Variants in TXNDC2 observed in about 807,000 individuals in gnomAD.
TXNDC2 encodes thioredoxin domain containing 2.
In TXNDC2, 1 loss-of-function variant was observed where a neutral mutation model predicts 0.4. The observed-to-expected ratio is 2.30, with a 90% CI of 0.82 to 10.89. The LOEUF is 10.89. Ranked by LOEUF, TXNDC2 falls within the 30% of genes most tolerant of loss-of-function variation. TXNDC2 has a pLI of 0.12. For synonymous variants in TXNDC2, 183 were observed against 224.6 expected, an observed-to-expected ratio of 0.81 and a Z score of 1.66; for missense variants, 509 against 579.8, an observed-to-expected ratio of 0.88 and a Z score of 1.25.
chr18:9,887,411 AGG>A lies in TXNDC2; in HGVS notation c.733_734del (p.Gly245Ter). On this transcript the variant is annotated frameshift_variant, in exon 2 of 2. Transcript: ENST00000357775. LOFTEE classifies it low-confidence loss of function (END_TRUNC). ...CTAGAGGAAGCCATCCAGCCCAAGG[AGG>A]GTGACATCCCCAAGTCCCCAGAAGA... 13 of 1,031,220 alleles carry A rather than the reference AGG, an allele frequency of 1.3e-5. No homozygotes were observed. The highest frequency in any genetic ancestry group is 3.3e-5 in the South Asian group (2 of 59,886). 63.9% of individuals were successfully genotyped at this position (1,031,220 alleles called of 1,614,324 possible).
In TXNDC2 at chr18:9,886,873, G is replaced by A. The variant is rs1222688009; in HGVS notation, c.193G>A (p.Glu65Lys). The change falls in exon 2 of 2, where the codon GAG becomes AAG. Residue 65 changes from glutamate to lysine, a missense_variant. Glu to Lys is a moderately conservative substitution (Grantham distance 56). Coordinates refer to ENST00000357775, the MANE Select transcript of TXNDC2 (RefSeq NM_032243.6). ...AGAAGAAACCATCCAATCCAAGAAG[G>A]AGGACCTCCCCAAGTCCTCAGAAAA... ...APEETIQSKK[E>K]DLPKSSEKAI... is the part of the protein sequence containing the mutation. 4.4e-6 allele frequency: 7 copies of A among 1,605,292 alleles called. No individual in the cohort carries two copies. The highest frequency in any genetic ancestry group is 6.0e-6 in the Non-Finnish European group (7 of 1,174,786).
Position 9,887,741 on chromosome 18 carries a change from A to G in TXNDC2, c.1061A>G (p.Lys354Arg), listed in dbSNP as rs764430282. ...CAGCCCAAGGAGGATGACAGCCCCA[A>G]GTCCCTAGAAGAAGCCACCCCATCC... ...TIQPKEDDSP[K>R]SLEEATPSKE... The change falls in exon 2 of 2, where the codon AAG becomes AGG. Residue 354 changes from lysine to arginine, a missense_variant. Physicochemically the swap from Lys to Arg is conservative, Grantham distance 26. Transcript: ENST00000357775. 4.3e-6 allele frequency: 7 copies of G among 1,614,122 alleles called. No individual in the cohort carries two copies. Among genetic ancestry groups the G allele is most frequent in the Non-Finnish European group, 5.9e-6 (7 of 1,179,978 alleles).
Position 9,887,429 on chromosome 18 carries a change from CCCCA to C in TXNDC2, c.750_753del (p.Pro251LysfsTer15). 1 of 1,083,630 alleles carries C rather than the reference CCCCA, an allele frequency of 9.2e-7. No homozygotes were observed. The highest frequency in any genetic ancestry group is 1.3e-6 in the Non-Finnish European group (1 of 781,334). The allele number at this position is 1,083,630 out of a possible 1,614,324, so 67.1% of individuals were successfully genotyped here. A position where few individuals can be genotyped will look rare whatever the true frequency, so the allele number is the denominator to read the frequency against. ...CCCAAGGAGGGTGACATCCCCAAGTCCCCAGAAGAAGCCATCCAGCCCAAGGAGG... is the reference window on the plus strand; with the variant it reads ...CCCAAGGAGGGTGACATCCCCAAGTCGAAGAAGCCATCCAGCCCAAGGAGG... On this transcript the variant is annotated frameshift_variant, in exon 2 of 2. Transcript: ENST00000357775. LOFTEE classifies it low-confidence loss of function (END_TRUNC).
chr18:9,886,161 A>G (rs1370882249), intron 1 of TXNDC2, 81 bp downstream of exon 1: 1 of 1,611,990 alleles, frequency 6.2e-7, no homozygotes, highest in East Asian at 2.2e-5. Context: ...TGAGGCATCT[A>G]TGAAGGATCA....
At position 9,886,968 on chromosome 18, in the gene TXNDC2, T is replaced by C. The variant is rs150404846; in HGVS notation, c.288T>C (p.Asn96=). 2.0e-5 allele frequency: 32 copies of C among 1,591,332 alleles called. 1 individual carries two copies. In the African/African-American group the frequency reaches 4.3e-4, roughly 21 times the overall value. ...SAKPIQPKLG[N]IPKASVKPSQ... ...AACCCATCCAGCCCAAGCTGGGCAA[T>C]ATTCCCAAGGCCTCAGTGAAGCCCA... Residue 96 remains asparagine (N), a synonymous_variant, in exon 2 of 2, where the codon AAT becomes AAC. Coordinates refer to ENST00000357775, the MANE Select transcript of TXNDC2 (RefSeq NM_032243.6).
Position 9,887,977 on chromosome 18 carries a change from G to A in TXNDC2, c.1297G>A (p.Val433Met), listed in dbSNP as rs972078626. 6.8e-6 allele frequency: 11 copies of A among 1,614,112 alleles called. No individual in the cohort carries two copies. The highest frequency in any genetic ancestry group is 9.3e-6 in the Non-Finnish European group (11 of 1,180,048). ...TGCCCTGTCTGTGAAGCATGAGGAT[G>A]TGGTGTTCCTGGAGGTGGACGCTGA... is the stretch of plus-strand genomic sequence containing the variant. The part of the protein sequence containing the change: ...FHALSVKHED[V>M]VFLEVDADNC... Residue 433 changes from valine to methionine, a missense_variant, in exon 2 of 2, where the codon GTG becomes ATG. Val to Met is a conservative substitution (Grantham distance 21, BLOSUM62 1). Around this residue, in one of 5 missense-constraint regions of TXNDC2, gnomAD observed 229 missense variants for 243.8 expected, o/e 0.94. Transcript: ENST00000357775.
Position 9,887,472 on chromosome 18 carries a change from G to A in TXNDC2, c.792G>A (p.Lys264=). 2 of 1,523,400 alleles carry A rather than the reference G, an allele frequency of 1.3e-6. No homozygotes were observed. Among genetic ancestry groups the A allele is most frequent in the Non-Finnish European group, 8.9e-7 (1 of 1,125,492 alleles). 94.4% of individuals were successfully genotyped at this position (1,523,400 alleles called of 1,614,324 possible). Residue 264 remains lysine, a synonymous_variant, in exon 2 of 2, where the codon AAG becomes AAA. Coordinates refer to ENST00000357775, the MANE Select transcript of TXNDC2 (RefSeq NM_032243.6). The part of the protein sequence containing the change: ...AIQPKEGDIP[K]SLEEAIQPKE... ...AGCCCAAGGAGGGTGACATCCCCAAGTCCCTAGAGGAAGCCATCCAGCCTA... is the reference window on the plus strand; with the variant it reads ...AGCCCAAGGAGGGTGACATCCCCAAATCCCTAGAGGAAGCCATCCAGCCTA...
chr18:9,886,182 T>A, intron 1 of TXNDC2, 102 bp downstream of exon 1: 1 of 1,613,906 alleles, frequency 6.2e-7, no homozygotes, highest in Non-Finnish European at 8.5e-7. Context: ...GGAATGGATG[T>A]AGACAAGGAA....
chr18:9,886,291 G>A (rs11662060), intron 1 of TXNDC2: 119,267 of 1,611,186 alleles, frequency 0.074, 5,140 homozygotes, highest in South Asian at 0.16. Flanking sequence ...ATGGTAAGTA[G>A]GGGAGGAAAG....
Position 9,888,358 on chromosome 18 carries a change from T to A in TXNDC2, c.*217T>A. 2.1e-6 allele frequency: 1 copy of A among 473,732 alleles called. No individual in the cohort carries two copies. Among genetic ancestry groups the A allele is most frequent in the Admixed American group, 3.5e-5 (1 of 28,538 alleles). The allele number at this position is 473,732 out of a possible 1,614,324, so 29.3% of individuals were successfully genotyped here. A position where few individuals can be genotyped will look rare whatever the true frequency, so the allele number is the denominator to read the frequency against. ...TAGTGGGAGAGTATAAAATTAGAAA[T>A]TCCCATGGTGAAGACTGCTAAGTCC... On this transcript the variant is annotated 3_prime_UTR_variant, in exon 2 of 2. Transcript: ENST00000357775.
chr18:9,886,626 C>G lies in TXNDC2; in HGVS notation c.-55C>G. ...TAGTCCTGTCCAGCAACGTGCCTCTCCTGGCCCTAGAGTTCTTGGAAATAG... is the reference window on the plus strand; with the variant it reads ...TAGTCCTGTCCAGCAACGTGCCTCTGCTGGCCCTAGAGTTCTTGGAAATAG... On this transcript the variant is annotated 5_prime_UTR_variant, in exon 2 of 2. Coordinates refer to ENST00000357775, the MANE Select transcript of TXNDC2 (RefSeq NM_032243.6). 6.2e-7 allele frequency: 1 copy of G among 1,613,902 alleles called. No homozygotes were observed. The highest frequency in any genetic ancestry group is 8.5e-7 in the Non-Finnish European group (1 of 1,179,936).
intron 1 of TXNDC2, 111 bp downstream of exon 1, chr18:9,886,191 A>G (rs755642532): frequency 1.2e-6 from 2 of 1,614,098 alleles, no homozygotes; most frequent in South Asian, 2.2e-5. Flanking sequence ...GTAGACAAGG[A>G]ACTAGGAATG....
In TXNDC2 at chr18:9,888,202, T is replaced by C. The variant is rs1301409189; in HGVS notation, c.*61T>C. On this transcript the variant is annotated 3_prime_UTR_variant, in exon 2 of 2. Coordinates refer to ENST00000357775, the MANE Select transcript of TXNDC2 (RefSeq NM_032243.6). ...TTTATAGCTTTTGAGTTCTCTTTTATTATTTACACAAAGTGATCAGGTATA... is the reference window on the plus strand; with the variant it reads ...TTTATAGCTTTTGAGTTCTCTTTTACTATTTACACAAAGTGATCAGGTATA... 2 of 1,347,368 alleles carry C rather than the reference T, an allele frequency of 1.5e-6. No homozygotes were observed. The highest frequency in any genetic ancestry group is 2.9e-5 in the African/African-American group (2 of 68,118). The allele number at this position is 1,347,368 out of a possible 1,614,324, so 83.5% of individuals were successfully genotyped here.
rs1362767341 is a variant in TXNDC2 at position 9,889,056 on chromosome 18, G to C, written c.*915G>C. The C allele has an allele frequency of 1.3e-5, 2 of 152,152 alleles. No homozygotes were observed. The highest frequency in any genetic ancestry group is 3.8e-4 in the East Asian group (2 of 5,196). The allele number at this position is 152,152 out of a possible 1,614,324, so 9.4% of individuals were successfully genotyped here. On this transcript the variant is annotated 3_prime_UTR_variant, in exon 2 of 2. Coordinates refer to ENST00000357775, the MANE Select transcript of TXNDC2 (RefSeq NM_032243.6). ...TGTTTGGACAACTTAGTGAGCCCCAGATGTCTATGAGCCCAAAGTCCCAGG... is the reference window on the plus strand; with the variant it reads ...TGTTTGGACAACTTAGTGAGCCCCACATGTCTATGAGCCCAAAGTCCCAGG...
chr18:9,886,205 A>G, intron 1 of TXNDC2, 125 bp downstream of exon 1: 3 of 1,614,132 alleles, frequency 1.9e-6, no homozygotes, highest in Non-Finnish European at 2.5e-6. Flanking sequence ...AGGAATGGAA[A>G]GTGTTAAAGC....
chr18:9,886,600 C>A lies in TXNDC2; in HGVS notation c.-81C>A. On this transcript the variant is annotated 5_prime_UTR_variant, in exon 2 of 2. Transcript: ENST00000357775. ...GTTTTTTGGTACAGAAAGCTCATTA[C>A]TAGTCCTGTCCAGCAACGTGCCTCT... The A allele has an allele frequency of 1.2e-6, 2 of 1,604,882 alleles. No individual in the cohort carries two copies. Among genetic ancestry groups the A allele is most frequent in the South Asian group, 1.1e-5 (1 of 90,330 alleles).
At position 9,888,128 on chromosome 18, in the gene TXNDC2, C is replaced by T. The variant is rs781625068; in HGVS notation, c.1448C>T (p.Ala483Val). ...ALKEKLEAVI[A>V]ELK ...AAGGAAAAACTTGAAGCAGTCATTG[C>T]AGAATTAAAGTAAACATGTATTCTG... The change falls in exon 2 of 2, where the codon GCA (alanine) becomes GTA (valine). Residue 483 changes from alanine to valine, a missense_variant. Ala to Val is a moderately conservative substitution (Grantham distance 64). This residue lies in a region of TXNDC2 where 229 missense variants were observed against 243.8 expected (regional missense o/e 0.94). Coordinates refer to ENST00000357775, the MANE Select transcript of TXNDC2 (RefSeq NM_032243.6). 2 of 1,610,230 alleles carry T rather than the reference C, an allele frequency of 1.2e-6. No homozygotes were observed. The highest frequency in any genetic ancestry group is 1.7e-6 in the Non-Finnish European group (2 of 1,177,730).
At chr18:9,886,343 G>T (rs926290555) in intron 1 of TXNDC2, 13 of 1,462,686 alleles carry the variant, frequency 8.9e-6, no homozygotes, top group Non-Finnish European at 1.2e-5. Flanking sequence ...AGCGGGCAGG[G>T]TGTTGAACCA....
At chr18:9,886,408 C>T (rs2068949473) in intron 1 of TXNDC2, 181 bp from the exon 2 acceptor site, 24 of 975,026 alleles carry the variant, frequency 2.5e-5, no homozygotes, top group East Asian at 5.2e-5. Flanking sequence ...TGTAACCACA[C>T]GCTGTTTGTC....
Sources: gnomAD v4.1 joint callset for allele counts on GRCh38, gnomAD v4.1.1 for gene constraint, gnomAD v4.1.1 regional missense constraint, MANE v1.5 for transcripts, NCBI Gene and HGNC (gene_info 2026-07-23, HGNC 2026-07-21) for gene names.